The following GLIS3 variants were observed in gnomAD, a reference collection of about 807,000 sequenced individuals.
The protein encoded by GLIS3 is GLIS family zinc finger 3, also known as zinc finger protein GLIS3.
Under a neutral mutation model 78.6 loss-of-function variants are expected in GLIS3, and 53 were observed. That is an observed-to-expected ratio of 0.67 (90% confidence interval 0.54 to 0.85). The LOEUF is 0.85. Among genes scored for constraint, GLIS3 ranks in the 40% least tolerant of loss-of-function variants. GLIS3 has a pLI of 0.00. For synonymous variants in GLIS3, 684 were observed against 509.9 expected, an observed-to-expected ratio of 1.34 and a Z score of -4.60; for missense variants, 1,703 against 1,231.1, an observed-to-expected ratio of 1.38 and a Z score of -5.74.
At chr9:4,326,581 G>C (rs1029523485) in intron 2 of GLIS3, among the ~76,000 whole-genome samples, 1 of 152,122 alleles carries the variant, frequency 6.6e-6, no homozygotes, top group Non-Finnish European at 1.5e-5. Flanking sequence ...CAGAGTTCCA[G>C]TTTAGGATGA....
intron 2 of GLIS3, among the ~76,000 whole-genome samples, chr9:4,244,424 T>A (rs573761169): frequency 2.6e-4 from 39 of 152,348 alleles, no homozygotes; most frequent in African/African-American, 9.1e-4. Context: ...TTACATAATT[T>A]AATTAAATAT....
intron 4 of GLIS3, among the ~76,000 whole-genome samples, chr9:3,955,509 A>T (rs894462476): frequency 2.0e-5 from 3 of 152,102 alleles, no homozygotes; most frequent in African/African-American, 4.8e-5. Flanking sequence ...ACCACAAGAG[A>T]TATTATATAT....
chr9:4,218,452 G>A (rs1347034748), intron 2 of GLIS3, among the ~76,000 whole-genome samples: 1 of 152,134 alleles, frequency 6.6e-6, no homozygotes, highest in East Asian at 1.9e-4. Context: ...CTAATTTTTT[G>A]TATTTTTAGT....
chr9:4,439,377 A>T, the GLIS3 span, among the ~76,000 whole-genome samples: 1 of 151,810 alleles, frequency 6.6e-6, no homozygotes, highest in Non-Finnish European at 1.5e-5. Context: ...CATCCAATAA[A>T]CTCCACAACC....
intron 2 of GLIS3, among the ~76,000 whole-genome samples, chr9:4,144,107 G>A (rs1834022326): frequency 6.6e-6 from 1 of 152,198 alleles, no homozygotes; most frequent in Non-Finnish European, 1.5e-5. Context: ...TTGGACCTCA[G>A]GGGAGAAGGC....
intron 9 of GLIS3, among the ~76,000 whole-genome samples, chr9:3,846,333 A>T (rs1235712369): frequency 6.6e-6 from 1 of 152,124 alleles, no homozygotes; most frequent in Non-Finnish European, 1.5e-5. Flanking sequence ...CACCTCTGAT[A>T]CTCACTAGGT....
At chr9:4,460,467 G>C in the GLIS3 span, among the ~76,000 whole-genome samples, 1 of 152,162 alleles carries the variant, frequency 6.6e-6, no homozygotes, top group African/African-American at 2.4e-5. Flanking sequence ...TGCTTCTCCA[G>C]CCACATTCCT....
the GLIS3 span, among the ~76,000 whole-genome samples, chr9:4,464,633 G>C: frequency 1.6e-4 from 24 of 152,234 alleles, no homozygotes; most frequent in African/African-American, 5.3e-4. Context: ...GACCTCAAGT[G>C]ATCCACCTCC....
At chr9:4,384,688 T>C in the GLIS3 span, among the ~76,000 whole-genome samples, 3 of 152,102 alleles carry the variant, frequency 2.0e-5, no homozygotes, top group Non-Finnish European at 4.4e-5. Context: ...TTACTGCTTA[T>C]TCAAGGGCTA....
At chr9:3,950,643 C>A (rs779979145) in intron 4 of GLIS3, among the ~76,000 whole-genome samples, 51 of 152,242 alleles carry the variant, frequency 3.3e-4, no homozygotes, top group Non-Finnish European at 6.9e-4. Context: ...GAAAAGCATT[C>A]TCTGTCCCAG....
At chr9:4,419,652 C>T in the GLIS3 span, among the ~76,000 whole-genome samples, 11 of 142,398 alleles carry the variant, frequency 7.7e-5, no homozygotes, top group Non-Finnish European at 1.5e-4. Flanking sequence ...TGGTGGTCCA[C>T]GCCTGTAGTC....
At chr9:4,374,951 G>A in the GLIS3 span, among the ~76,000 whole-genome samples, 1 of 152,070 alleles carries the variant, frequency 6.6e-6, no homozygotes, top group Non-Finnish European at 1.5e-5. Context: ...TCTGCAGCTT[G>A]CTATTTACAA....
intron 2 of GLIS3, among the ~76,000 whole-genome samples, chr9:4,332,170 T>G (rs746790118): frequency 6.6e-6 from 1 of 152,182 alleles, no homozygotes; most frequent in Non-Finnish European, 1.5e-5. Context: ...TTTCTTGAAG[T>G]GGAAATCCCA....
chr9:4,403,069 C>T, the GLIS3 span, among the ~76,000 whole-genome samples: 1 of 152,104 alleles, frequency 6.6e-6, no homozygotes, highest in Admixed American at 6.6e-5. Flanking sequence ...CTAAAAGCAG[C>T]AAGAGAAAAG....
chr9:4,418,804 A>G, the GLIS3 span, among the ~76,000 whole-genome samples: 3 of 152,216 alleles, frequency 2.0e-5, no homozygotes, highest in East Asian at 3.8e-4. Context: ...GGTCTTTAAG[A>G]AAGAGTAAGA....
chr9:4,025,542 C>G (rs898861040), intron 4 of GLIS3, among the ~76,000 whole-genome samples: 1 of 152,044 alleles, frequency 6.6e-6, no homozygotes, highest in African/African-American at 2.4e-5. Flanking sequence ...CACCCACCAC[C>G]ATGCCTGGCT....
the GLIS3 span, among the ~76,000 whole-genome samples, chr9:4,462,290 G>C: frequency 6.6e-6 from 1 of 152,186 alleles, no homozygotes; most frequent in Non-Finnish European, 1.5e-5. Flanking sequence ...GAATAAGTGT[G>C]TAGAAATTCT....
At position 3,952,356 on chromosome 9, in the gene GLIS3, C is replaced by G. The variant is rs145406255; in HGVS notation, c.1711-15167G>C. On this transcript the variant is annotated intron_variant, in intron 4 of 10. Transcript: ENST00000381971. ...GGCTGATTTGAACCAGAAGCCCCCC[C>G]AGAGGCACCACCACCCAGGGGATCC... Among the ~76,000 whole-genome samples, 797 of 152,252 alleles carry G rather than the reference C, an allele frequency of 5.2e-3. 9 individuals are homozygous for G. Among genetic ancestry groups the G allele is most frequent in the African/African-American group, 0.018 (757 of 41,546 alleles).
At chr9:4,457,224 G>A in the GLIS3 span, among the ~76,000 whole-genome samples, 1 of 151,960 alleles carries the variant, frequency 6.6e-6, no homozygotes, top group Non-Finnish European at 1.5e-5. Flanking sequence ...ACCCTGGCTT[G>A]GTGGCACACA....
Sources: gnomAD v4.1 joint callset for allele counts (sites outside exome capture counted in the v4.1 genomes callset) on GRCh38, gnomAD v4.1.1 for gene constraint, MANE v1.5 for transcripts, NCBI Gene and HGNC (gene_info 2026-07-23, HGNC 2026-07-21) for gene names.